Variants in USP37 observed in about 807,000 individuals in gnomAD.
USP37 encodes ubiquitin carboxyl-terminal hydrolase 37.
USP37 carries 27 observed loss-of-function variants against 124.0 expected under a neutral mutation model. That is an observed-to-expected ratio of 0.22 (90% CI 0.16 to 0.30). USP37 has a LOEUF of 0.30. Among genes scored for constraint, USP37 ranks in the 10% least tolerant of loss-of-function variants. The pLI is 1.00. For missense variants in USP37, 889 were observed against 1,140.4 expected (o/e 0.78, Z 3.17); for synonymous variants, 365 against 388.0 (o/e 0.94, Z 0.70).
chr2:218,515,781 T>A (rs1006984750), intron 10 of USP37, among the ~76,000 whole-genome samples: 1 of 151,850 alleles, frequency 6.6e-6, no homozygotes, highest in Non-Finnish European at 1.5e-5. Context: ...CGGGAGAAAA[T>A]TTTTGCAATC....
At chr2:218,528,841 A>AAAAAAT in intron 10 of USP37, 1 of 353,342 alleles carries the variant, frequency 2.8e-6, no homozygotes, top group Non-Finnish European at 4.8e-6. Flanking sequence ...AAAAAAAAAA[A>AAAAAAT]GAGCTTATCT....
At chr2:218,547,870 G>C (rs1692448256) in intron 6 of USP37, among the ~76,000 whole-genome samples, 1 of 152,190 alleles carries the variant, frequency 6.6e-6, no homozygotes, top group African/African-American at 2.4e-5. Flanking sequence ...AACACTCAAA[G>C]AGAATATGGC....
At chr2:218,467,788 C>T (rs1053715492) in intron 20 of USP37, among the ~76,000 whole-genome samples, 2 of 151,674 alleles carry the variant, frequency 1.3e-5, no homozygotes, top group Admixed American at 6.6e-5. Context: ...CCGGCCTGTT[C>T]CTTCTCAATT....
chr2:218,494,793 C>T (rs1359753025), intron 14 of USP37, among the ~76,000 whole-genome samples: 2 of 151,964 alleles, frequency 1.3e-5, no homozygotes, highest in African/African-American at 4.8e-5. Flanking sequence ...CTATAGAAGT[C>T]CTGATAAGTA....
At chr2:218,553,365 A>G (rs1692772285) in intron 5 of USP37, among the ~76,000 whole-genome samples, 188 bp downstream of exon 5, 1 of 152,222 alleles carries the variant, frequency 6.6e-6, no homozygotes, top group South Asian at 2.1e-4. Flanking sequence ...TTCATTTGTC[A>G]AGAATGATGT....
intron 10 of USP37, among the ~76,000 whole-genome samples, chr2:218,516,523 C>T (rs183587665): frequency 6.6e-6 from 1 of 151,350 alleles, no homozygotes; most frequent in Admixed American, 6.6e-5. Flanking sequence ...GGGAACATCA[C>T]ACATGGGGGC....
At chr2:218,490,136 G>C (rs1050640143) in intron 14 of USP37, among the ~76,000 whole-genome samples, 3 of 152,164 alleles carry the variant, frequency 2.0e-5, no homozygotes, top group African/African-American at 7.2e-5. Context: ...CGGATCACGA[G>C]ATCAGGAAAT....
Position 218,474,751 on chromosome 2 carries a change from A to C in USP37, c.2178T>G (p.His726Gln). 1 of 1,613,984 alleles carries C rather than the reference A, an allele frequency of 6.2e-7. No homozygotes were observed. Among genetic ancestry groups the C allele is most frequent in the East Asian group, 2.2e-5 (1 of 44,892 alleles). ...TGCTAGTTGGCTTATCATCATCTTC[A>C]TGACTCAGAGATGGTGAAGCATCTC... is the stretch of plus-strand genomic sequence containing the variant. ...SKRDASPSLS[H>Q]EDDDKPTSSP... The change falls in exon 20 of 26, where the codon CAT (histidine) becomes CAG (glutamine). Residue 726 changes from histidine to glutamine, a missense_variant. His to Gln is a conservative substitution (Grantham distance 24). Coordinates refer to ENST00000258399, the MANE Select transcript of USP37 (RefSeq NM_020935.3).
chr2:218,510,165 G>C, intron 10 of USP37, 25 bp from the exon 11 acceptor site: 1 of 1,588,660 alleles, frequency 6.3e-7, no homozygotes, highest in Non-Finnish European at 8.5e-7. Flanking sequence ...AAATAATGAA[G>C]AAGCAAAATA....
intron 13 of USP37, among the ~76,000 whole-genome samples, chr2:218,497,149 C>A (rs1253364741): frequency 6.6e-6 from 1 of 152,124 alleles, no homozygotes; most frequent in African/African-American, 2.4e-5. Flanking sequence ...CAGCTCACTG[C>A]AACCTCTGCC....
intron 1 of USP37, among the ~76,000 whole-genome samples, chr2:218,563,638 TACA>T (rs749396219): frequency 3.9e-5 from 6 of 152,196 alleles, no homozygotes; most frequent in Admixed American, 6.5e-5. Flanking sequence ...ATCTGAATGC[TACA>T]ACATCAACTT....
intron 13 of USP37, among the ~76,000 whole-genome samples, chr2:218,497,100 T>C (rs1689123345): frequency 6.6e-6 from 1 of 152,142 alleles, no homozygotes; most frequent in Non-Finnish European, 1.5e-5. Flanking sequence ...AGACAGAGTC[T>C]TGCCCTGTAG....
At chr2:218,500,924 A>G (rs1689343839) in intron 11 of USP37, 1 of 166,064 alleles carries the variant, frequency 6.0e-6, no homozygotes, top group African/African-American at 2.4e-5. Flanking sequence ...TGCGACAGAC[A>G]CACATGGAGT....
intron 18 of USP37, 35 bp from the exon 19 acceptor site, chr2:218,477,016 AC>A: frequency 2.0e-6 from 3 of 1,478,900 alleles, no homozygotes; most frequent in Non-Finnish European, 2.7e-6. Context: ...AGCCTGATAA[AC>A]ATTTGTCTTT....
At chr2:218,556,072 C>A (rs1692952526) in intron 4 of USP37, among the ~76,000 whole-genome samples, 1 of 152,116 alleles carries the variant, frequency 6.6e-6, no homozygotes, top group Non-Finnish European at 1.5e-5. Flanking sequence ...CTGCCTAGCC[C>A]CAAAGAAATG....
At chr2:218,565,158 A>T (rs547394158) in intron 1 of USP37, among the ~76,000 whole-genome samples, 1 of 152,320 alleles carries the variant, frequency 6.6e-6, no homozygotes, top group East Asian at 1.9e-4. Flanking sequence ...CCGGGGCTCA[A>T]GCGATCCGCC....
chr2:218,458,075 A>G (rs6715704), intron 23 of USP37, among the ~76,000 whole-genome samples: 2,547 of 150,274 alleles, frequency 0.017, 78 homozygotes, highest in African/African-American at 0.059. Flanking sequence ...GAAAAGAAAA[A>G]AAAAATTGGG....
intron 10 of USP37, among the ~76,000 whole-genome samples, chr2:218,519,560 G>A (rs1218886687): frequency 6.6e-6 from 1 of 151,972 alleles, no homozygotes; most frequent in Non-Finnish European, 1.5e-5. Context: ...CAGCCAACGT[G>A]CTTGGGAACT....
At chr2:218,457,069 C>T (rs1445800501) in intron 24 of USP37, 23 bp downstream of exon 24, 8 of 1,610,406 alleles carry the variant, frequency 5.0e-6, no homozygotes, top group East Asian at 2.2e-5. Context: ...TTATAAAATG[C>T]TGAAATCATG....
Sources: gnomAD v4.1 joint callset for allele counts (sites outside exome capture counted in the v4.1 genomes callset) on GRCh38, gnomAD v4.1.1 for gene constraint, MANE v1.5 for transcripts, NCBI Gene and HGNC (gene_info 2026-07-23, HGNC 2026-07-21) for gene names.